LINGO2: variants seen among roughly 807,000 people sequenced by gnomAD.
LINGO2 encodes leucine rich repeat and Ig domain containing 2.
In LINGO2, 14 loss-of-function variants were observed where a neutral mutation model predicts 30.6. That is an observed-to-expected ratio of 0.46 (90% CI 0.30 to 0.72). LINGO2 has a LOEUF of 0.72. LINGO2 is among the 30% of genes least tolerant of loss of function. The pLI is 0.07. For synonymous variants in LINGO2, 317 were observed against 288.5 expected (o/e 1.10, Z -1.00); for missense variants, 729 against 751.7 (o/e 0.97, Z 0.35).
intron 5 of LINGO2, among the ~76,000 whole-genome samples, chr9:27,991,934 C>T (rs1470510044): frequency 2.0e-5 from 3 of 152,024 alleles, no homozygotes; most frequent in African/African-American, 4.8e-5. Flanking sequence ...TTTCACCTGT[C>T]TCTCAATTTC....
chr9:28,355,271 CTGTCTCTG>C (rs1820128994), intron 3 of LINGO2, among the ~76,000 whole-genome samples: 3 of 71,412 alleles, frequency 4.2e-5, no homozygotes, highest in South Asian at 5.6e-4. Context: ...GTCTCTCTCT[CTGTCTCTG>C]TCTCTCTCTC....
At chr9:28,210,096 T>G (rs1006493724) in intron 4 of LINGO2, among the ~76,000 whole-genome samples, 1 of 151,778 alleles carries the variant, frequency 6.6e-6, no homozygotes, top group East Asian at 1.9e-4. Flanking sequence ...CTTTCTGCCA[T>G]GAGTAATTCA....
intron 2 of LINGO2, among the ~76,000 whole-genome samples, chr9:28,373,152 G>A (rs549439638): frequency 9.9e-5 from 15 of 152,114 alleles, no homozygotes; most frequent in Non-Finnish European, 1.8e-4. Flanking sequence ...AAATGCAGAG[G>A]GGATGTTTAA....
chr9:29,013,200 T>C, the LINGO2 span, among the ~76,000 whole-genome samples: 1 of 152,086 alleles, frequency 6.6e-6, no homozygotes, highest in Non-Finnish European at 1.5e-5. Context: ...TTCCCCAGAG[T>C]AAAAAACAGG....
chr9:28,629,909 C>T (rs1257735167), intron 1 of LINGO2, among the ~76,000 whole-genome samples: 26 of 151,726 alleles, frequency 1.7e-4, no homozygotes, highest in Admixed American at 1.3e-3. Context: ...TCTCCCGATG[C>T]TATCCCTCCC....
intron 5 of LINGO2, among the ~76,000 whole-genome samples, chr9:27,981,571 A>AAAAAAAAAAAAAAAAAAAAAAAAG (rs1820876000): frequency 4.0e-5 from 3 of 74,234 alleles, no homozygotes; most frequent in African/African-American, 7.3e-5. Context: ...AAAAAAAAAG[A>AAAAAAAAAAAAAAAAAAAAAAAAG]AAAAAAAAAG....
chr9:29,127,159 A>G, the LINGO2 span, among the ~76,000 whole-genome samples: 4 of 152,132 alleles, frequency 2.6e-5, no homozygotes. Flanking sequence ...AAGCCCCAGA[A>G]AATTCTGTAA....
chr9:28,181,349 G>T (rs1438396463), intron 4 of LINGO2, among the ~76,000 whole-genome samples: 3 of 152,166 alleles, frequency 2.0e-5, no homozygotes, highest in African/African-American at 4.8e-5. Context: ...CAATTTCATT[G>T]TTGCTTGAAT....
the LINGO2 span, among the ~76,000 whole-genome samples, chr9:28,898,036 T>C: frequency 6.6e-6 from 1 of 152,090 alleles, no homozygotes; most frequent in Non-Finnish European, 1.5e-5. Context: ...AATAATTCTT[T>C]CCATAGGAGG....
the LINGO2 span, among the ~76,000 whole-genome samples, chr9:28,846,096 T>C: frequency 6.6e-6 from 1 of 151,722 alleles, no homozygotes; most frequent in Non-Finnish European, 1.5e-5. Context: ...TCATAAGACA[T>C]AGTCAGAAGC....
At chr9:27,981,570 G>GA (rs147823149) in intron 5 of LINGO2, among the ~76,000 whole-genome samples, 13,652 of 99,018 alleles carry the variant, frequency 0.14, 1,043 homozygotes, top group Non-Finnish European at 0.18. Context: ...GAAAAAAAAA[G>GA]AAAAAAAAAA....
the LINGO2 span, among the ~76,000 whole-genome samples, chr9:29,088,061 T>C: frequency 1.3e-5 from 2 of 152,182 alleles, no homozygotes; most frequent in African/African-American, 4.8e-5. Flanking sequence ...ATCCATATAG[T>C]AGGTGGCCTA....
chr9:29,132,993 C>A, the LINGO2 span, among the ~76,000 whole-genome samples: 1 of 151,968 alleles, frequency 6.6e-6, no homozygotes, highest in Non-Finnish European at 1.5e-5. Flanking sequence ...ACAGTTGGGA[C>A]TACAGGCACA....
the LINGO2 span, among the ~76,000 whole-genome samples, chr9:28,702,395 T>C: frequency 6.6e-6 from 1 of 151,894 alleles, no homozygotes; most frequent in Non-Finnish European, 1.5e-5. Flanking sequence ...GTGGTTTTTC[T>C]GCTTTAGCCT....
intron 4 of LINGO2, among the ~76,000 whole-genome samples, chr9:28,288,133 A>G (rs147519483): frequency 3.1e-4 from 47 of 152,232 alleles, no homozygotes; most frequent in African/African-American, 1.1e-3. Context: ...TTAAAAACAT[A>G]TATATAAATG....
At position 28,233,625 on chromosome 9, in the gene LINGO2, C is replaced by T. The variant is rs1821452709; in HGVS notation, c.-87+61583G>A. The stretch of plus-strand genomic sequence containing the variant: ...TTAAAAGTTGCTGTGTTAGGGTTTG[C>T]ACCATCTCCTCTCCAACTCCAGCAA... On this transcript the variant is annotated intron_variant, in intron 4 of 5. Transcript: ENST00000379992. 5.3e-5 allele frequency among the ~76,000 whole-genome samples: 8 copies of T among 152,284 alleles called. No homozygotes were observed. The South Asian group carries it at 1.7e-3, about 32-fold the overall frequency.
the LINGO2 span, among the ~76,000 whole-genome samples, chr9:28,708,384 A>G: frequency 6.6e-6 from 1 of 152,138 alleles, no homozygotes; most frequent in South Asian, 2.1e-4. Flanking sequence ...GTTTTGCATC[A>G]TGAGGTTGAC....
intron 1 of LINGO2, among the ~76,000 whole-genome samples, chr9:28,544,542 C>T (rs1587832433): frequency 6.6e-6 from 1 of 152,078 alleles, no homozygotes; most frequent in Non-Finnish European, 1.5e-5. Context: ...AAAACAATTG[C>T]ATTTGCAAAG....
At chr9:29,099,598 G>T in the LINGO2 span, among the ~76,000 whole-genome samples, 1 of 152,114 alleles carries the variant, frequency 6.6e-6, no homozygotes, top group African/African-American at 2.4e-5. Context: ...TATCTCGAAA[G>T]AAGACATACT....
Sources: gnomAD v4.1 joint callset for allele counts (sites outside exome capture counted in the v4.1 genomes callset) on GRCh38, gnomAD v4.1.1 for gene constraint, MANE v1.5 for transcripts, NCBI Gene and HGNC (gene_info 2026-07-23, HGNC 2026-07-21) for gene names.